The following PSD3 variants were observed in gnomAD, a reference collection of about 807,000 sequenced individuals.
PSD3 encodes pleckstrin and Sec7 domain containing 3.
A neutral mutation model predicts 105.5 loss-of-function variants in PSD3; 49 were observed. That is an observed-to-expected ratio of 0.46 (90% CI 0.37 to 0.59). PSD3 has a LOEUF of 0.59. PSD3 is among the 20% of genes least tolerant of loss of function. The pLI is 0.00. For missense variants in PSD3, 1,561 were observed against 1,263.8 expected (o/e 1.24, Z -3.57); for synonymous variants, 557 against 457.8 (o/e 1.22, Z -2.77).
chr8:19,020,569 G>A (rs1039115439), intron 1 of PSD3, among the ~76,000 whole-genome samples: 1 of 152,008 alleles, frequency 6.6e-6, no homozygotes, highest in Admixed American at 6.6e-5. Flanking sequence ...TTGAGCAGAG[G>A]GGTAGGATGA....
chr8:18,646,625 G>A (rs141310250), intron 10 of PSD3, among the ~76,000 whole-genome samples: 55 of 152,002 alleles, frequency 3.6e-4, no homozygotes, highest in African/African-American at 1.0e-3. Flanking sequence ...AATGAAAGGC[G>A]ACAAATTATA....
intron 1 of PSD3, among the ~76,000 whole-genome samples, chr8:19,043,656 G>A (rs7812627): frequency 0.034 from 5,150 of 152,196 alleles, 283 homozygotes; most frequent in African/African-American, 0.12. Flanking sequence ...AGGTGGTTAA[G>A]CACTAAGAGC....
intron 9 of PSD3, among the ~76,000 whole-genome samples, chr8:18,713,895 A>T (rs1160419126): frequency 6.6e-6 from 1 of 152,224 alleles, no homozygotes; most frequent in Non-Finnish European, 1.5e-5. Flanking sequence ...ACAAGTCTAC[A>T]GTAACCAAAA....
At chr8:18,823,558 T>G (rs917796993) in intron 4 of PSD3, among the ~76,000 whole-genome samples, 1 of 152,160 alleles carries the variant, frequency 6.6e-6, no homozygotes, top group African/African-American at 2.4e-5. Flanking sequence ...CAACTTATCA[T>G]TGAATTCTGC....
At chr8:18,918,697 C>G (rs1018841801) in intron 2 of PSD3, among the ~76,000 whole-genome samples, 2 of 152,204 alleles carry the variant, frequency 1.3e-5, no homozygotes, top group African/African-American at 2.4e-5. Flanking sequence ...AACATCCATT[C>G]AGAAAATGTG....
At chr8:18,588,124 AG>A (rs1803332631) in intron 12 of PSD3, among the ~76,000 whole-genome samples, 2 of 152,192 alleles carry the variant, frequency 1.3e-5, no homozygotes, top group Non-Finnish European at 2.9e-5. Context: ...ATGATGCAAA[AG>A]TCTGCTCAGC....
At chr8:18,936,363 A>T (rs1390223865) in intron 1 of PSD3, among the ~76,000 whole-genome samples, 2 of 152,218 alleles carry the variant, frequency 1.3e-5, no homozygotes, top group African/African-American at 4.8e-5. Context: ...ATACATATAA[A>T]CATCTATAGG....
At chr8:18,604,475 G>C (rs2130597324) in intron 11 of PSD3, among the ~76,000 whole-genome samples, 1 of 151,972 alleles carries the variant, frequency 6.6e-6, no homozygotes, top group African/African-American at 2.4e-5. Context: ...ACCTAAAACT[G>C]GAAGTTAAAT....
intron 14 of PSD3, among the ~76,000 whole-genome samples, chr8:18,568,579 T>G (rs1801940387): frequency 6.6e-6 from 1 of 152,184 alleles, no homozygotes; most frequent in Non-Finnish European, 1.5e-5. Flanking sequence ...CATTCTACAC[T>G]TTCAAGGTCT....
At chr8:19,051,533 T>C (rs1488044887) in intron 1 of PSD3, among the ~76,000 whole-genome samples, 4 of 152,166 alleles carry the variant, frequency 2.6e-5, no homozygotes, top group Non-Finnish European at 1.5e-5. Flanking sequence ...TTTTAATGAG[T>C]GTGTTTGCAT....
chr8:18,957,686 C>CA (rs1491123122), intron 1 of PSD3, among the ~76,000 whole-genome samples: 1 of 152,172 alleles, frequency 6.6e-6, no homozygotes, highest in Non-Finnish European at 1.5e-5. Context: ...GGCATTTTGC[C>CA]AACATCCTCT....
intron 8 of PSD3, among the ~76,000 whole-genome samples, chr8:18,783,285 T>G (rs1418636225): frequency 1.3e-5 from 2 of 152,192 alleles, no homozygotes; most frequent in East Asian, 3.9e-4. Flanking sequence ...CTTACAGTAG[T>G]TACTTCCATA....
rs567257956 is a variant in PSD3, at chr8:18,546,521, G to A, written c.2928+9688C>T. On this transcript the variant is annotated intron_variant, in intron 15 of 15. Transcript: ENST00000327040. ...GCTGCAGGTGTAAAACAAACACTAG[G>A]TTTTGATGATTTAATATGGAAAAAA... Among the ~76,000 whole-genome samples the A allele has an allele frequency of 2.8e-4, 42 of 152,174 alleles. 2 individuals are homozygous for A. The South Asian group carries it at 8.1e-3, about 29-fold the overall frequency.
chr8:19,032,073 C>A (rs78700974), intron 1 of PSD3, among the ~76,000 whole-genome samples: 1 of 152,020 alleles, frequency 6.6e-6, no homozygotes, highest in African/African-American at 2.4e-5. Context: ...ACACCTGGAG[C>A]GAGGGGACCA....
In PSD3 at chr8:18,871,803, C is replaced by G; in HGVS notation, c.1061G>C (p.Ser354Thr). The change falls in exon 3 of 16, where the codon AGT (serine) becomes ACT (threonine). Residue 354 changes from serine (S) to threonine (T), a missense_variant. By Grantham distance (58) the Ser-to-Thr change is moderately conservative (BLOSUM62 1). Transcript: ENST00000327040. The part of the protein sequence containing the change: ...LISSAGLCNS[S>T]SLTENVWDES... Reference sequence around the variant, plus strand: ...ATCCCAAACATTCTCAGTTAAACTACTTGAATTACACAAACCAGCTGATGA... The same window carrying G: ...ATCCCAAACATTCTCAGTTAAACTAGTTGAATTACACAAACCAGCTGATGA... 6.2e-7 allele frequency: 1 copy of G among 1,614,192 alleles called. No individual in the cohort carries two copies. Among genetic ancestry groups the G allele is most frequent in the Non-Finnish European group, 8.5e-7 (1 of 1,180,026 alleles).
chr8:18,815,360 G>A (rs1004211797), intron 4 of PSD3, among the ~76,000 whole-genome samples: 2 of 152,154 alleles, frequency 1.3e-5, no homozygotes, highest in African/African-American at 4.8e-5. Context: ...CCAGGCTGGA[G>A]TGTAGTGGCA....
intron 14 of PSD3, among the ~76,000 whole-genome samples, chr8:18,565,275 G>A (rs62492893): frequency 1.3e-5 from 2 of 152,174 alleles, no homozygotes; most frequent in African/African-American, 4.8e-5. Flanking sequence ...ACTGTGAACA[G>A]GGCCGGCCAT....
rs561015021 is a variant in PSD3, at chr8:18,605,225, A to G, written c.2411-4791T>C. Reference sequence around the variant, plus strand: ...TGCAGGGGCTGAACCCTGCAAAGCCACAGAGACAGAGCTGTCCAATGCTGT... The same window carrying G: ...TGCAGGGGCTGAACCCTGCAAAGCCGCAGAGACAGAGCTGTCCAATGCTGT... On this transcript the variant is annotated intron_variant, in intron 11 of 15. Transcript: ENST00000327040. 5.3e-5 allele frequency among the ~76,000 whole-genome samples: 8 copies of G among 152,338 alleles called. No individual in the cohort carries two copies. In the South Asian group the frequency reaches 1.7e-3, roughly 32 times the overall value.
chr8:18,642,385 A>G (rs922230509), intron 10 of PSD3, among the ~76,000 whole-genome samples: 1 of 152,198 alleles, frequency 6.6e-6, no homozygotes, highest in African/African-American at 2.4e-5. Flanking sequence ...ATGCTCAATG[A>G]AACAACTACT....
Sources: allele counts gnomAD v4.1 joint callset (sites outside exome capture counted in the v4.1 genomes callset), GRCh38; gene constraint gnomAD v4.1.1; transcripts MANE v1.5; gene names NCBI Gene and HGNC (gene_info 2026-07-23, HGNC 2026-07-21).